Variants in SLC8A1 observed in about 807,000 individuals in gnomAD.
The protein encoded by SLC8A1 is sodium/calcium exchanger 1.
SLC8A1 carries 18 observed loss-of-function variants against 68.3 expected under a neutral mutation model. That is an observed-to-expected ratio of 0.26 (90% confidence interval 0.18 to 0.39). The LOEUF (loss-of-function observed/expected upper bound fraction) is 0.39. SLC8A1 is among the 10% of genes least tolerant of loss of function. The probability of loss-of-function intolerance (pLI) is 1.00; values close to 1 mark genes in which losing one functional copy is unlikely to be tolerated. For synonymous variants in SLC8A1, 475 were observed against 415.5 expected, an observed-to-expected ratio of 1.14 and a Z score of -1.74; for missense variants, 985 against 1,156.7, an observed-to-expected ratio of 0.85 and a Z score of 2.15.
chr2:40,383,393 T>C lies in SLC8A1; in HGVS notation c.1808+45080A>G, dbSNP rs574828519. The stretch of plus-strand genomic sequence containing the variant: ...TCCTTCGCCATGTTTATAAGAAACA[T>C]TTGACACAGGAACCATCCCAAAGAC... On this transcript the variant is annotated intron_variant, in intron 2 of 7. Coordinates refer to ENST00000406785, the Ensembl canonical transcript of SLC8A1. Among the ~76,000 whole-genome samples the C allele has an allele frequency of 4.6e-5, 7 of 152,230 alleles. No homozygotes were observed. In the East Asian group the frequency reaches 1.4e-3, roughly 30 times the overall value.
In SLC8A1 at chr2:40,175,241, G is replaced by T; in HGVS notation, c.1913-399C>A. 5.0e-6 allele frequency: 8 copies of T among 1,610,882 alleles called. No homozygotes were observed. The highest frequency in any genetic ancestry group is 6.8e-6 in the Non-Finnish European group (8 of 1,177,482). On this transcript the variant is annotated intron_variant, in intron 3 of 7. Coordinates refer to ENST00000406785, the Ensembl canonical transcript of SLC8A1. ...TAATCTAGAAAAATGGAAAGGAAATGCAAGAAATGAAATGCTTACCAAGCT... is the reference window on the plus strand; with the variant it reads ...TAATCTAGAAAAATGGAAAGGAAATTCAAGAAATGAAATGCTTACCAAGCT...
chr2:40,371,278 A>G (rs556641611), intron 2 of SLC8A1, among the ~76,000 whole-genome samples: 1 of 152,194 alleles, frequency 6.6e-6, no homozygotes, highest in East Asian at 1.9e-4. Flanking sequence ...AAATTGCTCA[A>G]GTTAAATCCC....
chr2:40,405,793 G>C (rs58689744), intron 2 of SLC8A1, among the ~76,000 whole-genome samples: 1,586 of 151,912 alleles, frequency 0.01, 15 homozygotes, highest in Middle Eastern at 0.017. Flanking sequence ...CTCCTATTCC[G>C]GGCAATCCAT....
chr2:40,370,506 G>A (rs1171668552), intron 2 of SLC8A1, among the ~76,000 whole-genome samples: 1 of 152,024 alleles, frequency 6.6e-6, no homozygotes, highest in Admixed American at 6.6e-5. Context: ...GTAATTGACA[G>A]GCTAAACTAT....
chr2:40,193,849 C>T (rs1479236746), intron 2 of SLC8A1, among the ~76,000 whole-genome samples: 1 of 152,068 alleles, frequency 6.6e-6, no homozygotes, highest in Non-Finnish European at 1.5e-5. Flanking sequence ...AGGTACCCCT[C>T]CAGCAGCATA....
intron 2 of SLC8A1, among the ~76,000 whole-genome samples, chr2:40,327,978 C>T (rs188388293): frequency 2.0e-5 from 3 of 151,198 alleles, no homozygotes; most frequent in African/African-American, 7.3e-5. Flanking sequence ...ACAGTATTTG[C>T]CCTGAAAATC....
intron 2 of SLC8A1, among the ~76,000 whole-genome samples, chr2:40,209,518 G>C (rs924182387): frequency 6.6e-6 from 1 of 152,058 alleles, no homozygotes; most frequent in Admixed American, 6.6e-5. Context: ...AGCCACTGGA[G>C]GATTTTGAGC....
intron 5 of SLC8A1, among the ~76,000 whole-genome samples, chr2:40,162,578 T>G (rs182923146): frequency 1.3e-5 from 2 of 152,324 alleles, no homozygotes; most frequent in East Asian, 3.9e-4. Flanking sequence ...AAACTGTAGT[T>G]CATGTTAATC....
intron 7 of SLC8A1, among the ~76,000 whole-genome samples, chr2:40,119,397 G>C (rs1480599256): frequency 6.6e-6 from 1 of 151,844 alleles, no homozygotes; most frequent in African/African-American, 2.4e-5. Flanking sequence ...CTCCAACAGA[G>C]AGAACTCTGT....
intron 2 of SLC8A1, among the ~76,000 whole-genome samples, chr2:40,191,218 T>C (rs2051761066): frequency 6.6e-6 from 1 of 152,188 alleles, no homozygotes; most frequent in Non-Finnish European, 1.5e-5. Flanking sequence ...CTGCTGCTAC[T>C]TTCTACTCCT....
chr2:40,487,218 A>G (rs976334447), intron 1 of SLC8A1, among the ~76,000 whole-genome samples: 1 of 152,070 alleles, frequency 6.6e-6, no homozygotes, highest in South Asian at 2.1e-4. Context: ...GGCCTTCCTG[A>G]GGAGGTAGCA....
chr2:40,350,127 A>T (rs1670596070), intron 2 of SLC8A1, among the ~76,000 whole-genome samples: 2 of 152,160 alleles, frequency 1.3e-5, no homozygotes, highest in Admixed American at 1.3e-4. Flanking sequence ...TGTCATATTT[A>T]TATGATGTTT....
intron 2 of SLC8A1, among the ~76,000 whole-genome samples, chr2:40,417,429 TACA>T (rs1480571991): frequency 1.3e-5 from 2 of 152,216 alleles, no homozygotes; most frequent in African/African-American, 2.4e-5. Context: ...TTCAATTTAT[TACA>T]ACATTTTATT....
At chr2:40,256,115 T>A (rs2149071475) in intron 2 of SLC8A1, among the ~76,000 whole-genome samples, 1 of 152,244 alleles carries the variant, frequency 6.6e-6, no homozygotes, top group South Asian at 2.1e-4. Context: ...ATCTGCATAA[T>A]CTTGCAAGAA....
chr2:40,376,659 C>A (rs1414726869), intron 2 of SLC8A1, among the ~76,000 whole-genome samples: 1 of 152,088 alleles, frequency 6.6e-6, no homozygotes, highest in Non-Finnish European at 1.5e-5. Flanking sequence ...CAGGACCAGG[C>A]AACCATGGAG....
chr2:40,427,717 CCTT>C (rs1360163830), intron 2 of SLC8A1, among the ~76,000 whole-genome samples: 3 of 152,132 alleles, frequency 2.0e-5, no homozygotes, highest in African/African-American at 7.2e-5. Context: ...ATAAATTTTT[CCTT>C]CTTTTCTCTG....
intron 2 of SLC8A1, among the ~76,000 whole-genome samples, chr2:40,338,196 T>G (rs1330758594): frequency 6.6e-6 from 1 of 152,120 alleles, no homozygotes; most frequent in Non-Finnish European, 1.5e-5. Flanking sequence ...TCATGCATCT[T>G]TTTCAGAAGA....
chr2:40,330,015 A>G (rs1369883555), intron 2 of SLC8A1, among the ~76,000 whole-genome samples: 1 of 152,244 alleles, frequency 6.6e-6, no homozygotes, highest in South Asian at 2.1e-4. Flanking sequence ...CTTCAGAAGC[A>G]TAAACTAATG....
At chr2:40,363,328 C>A (rs1464637564) in intron 2 of SLC8A1, among the ~76,000 whole-genome samples, 1 of 143,338 alleles carries the variant, frequency 7.0e-6, no homozygotes, top group African/African-American at 2.8e-5. Flanking sequence ...TCTAAAAGAA[C>A]CACTGCAGGG....
Sources: allele counts gnomAD v4.1 joint callset (sites outside exome capture counted in the v4.1 genomes callset), GRCh38; gene constraint gnomAD v4.1.1; transcripts MANE v1.5; gene names NCBI Gene and HGNC (gene_info 2026-07-23, HGNC 2026-07-21).